UACA: variants seen among roughly 807,000 people sequenced by gnomAD.
The protein encoded by UACA is nuclear membrane binding protein.
Under a neutral mutation model 160.5 loss-of-function variants are expected in UACA, and 112 were observed. The observed-to-expected ratio is 0.70, with a 90% CI of 0.60 to 0.82. The LOEUF is 0.82. UACA is among the 40% of genes least tolerant of loss of function. UACA has a pLI of 0.00. For synonymous variants in UACA, 557 were observed against 568.4 expected (o/e 0.98, Z 0.29); for missense variants, 1,574 against 1,614.6 (o/e 0.97, Z 0.43).
At chr15:70,719,397 C>T (rs1898923686) in intron 1 of UACA, among the ~76,000 whole-genome samples, 1 of 152,196 alleles carries the variant, frequency 6.6e-6, no homozygotes, top group Admixed American at 6.5e-5. Context: ...AACAAAATGG[C>T]TTGGTGGGGG....
chr15:70,715,165 T>G (rs954026603), intron 1 of UACA, among the ~76,000 whole-genome samples: 12 of 152,204 alleles, frequency 7.9e-5, no homozygotes, highest in African/African-American at 2.9e-4. Context: ...AAGTAAAATT[T>G]TTTAAATATA....
chr15:70,666,325 A>C (rs1226196160), intron 16 of UACA, among the ~76,000 whole-genome samples: 1 of 151,804 alleles, frequency 6.6e-6, no homozygotes, highest in Non-Finnish European at 1.5e-5. Flanking sequence ...GGCTCAGTTT[A>C]CTACTATGGG....
the UACA span, among the ~76,000 whole-genome samples, chr15:70,774,268 T>C: frequency 3.7e-4 from 57 of 152,192 alleles, no homozygotes; most frequent in Admixed American, 1.4e-3. Context: ...AAGACTGGGC[T>C]GGGCGTGGTG....
At chr15:70,718,028 T>TACAC (rs140483075) in intron 1 of UACA, among the ~76,000 whole-genome samples, 6,669 of 142,586 alleles carry the variant, frequency 0.047, 211 homozygotes, top group South Asian at 0.11. Context: ...AATTTCTTTA[T>TACAC]ACACACACAC....
chr15:70,767,099 G>C (rs1448343103), upstream of UACA, among the ~76,000 whole-genome samples: 3 of 151,748 alleles, frequency 2.0e-5, no homozygotes, highest in Non-Finnish European at 4.4e-5. Flanking sequence ...AATTAGCCAG[G>C]CGTGGTGGCA....
intron 1 of UACA, among the ~76,000 whole-genome samples, chr15:70,741,023 T>C (rs1025083340): frequency 6.6e-5 from 10 of 150,420 alleles, no homozygotes; most frequent in South Asian, 2.1e-4. Context: ...TGGGCAAAAG[T>C]GCTCAAAAAA....
chr15:70,700,371 A>C (rs1017399043), intron 1 of UACA, among the ~76,000 whole-genome samples: 6 of 149,756 alleles, frequency 4.0e-5, no homozygotes, highest in African/African-American at 7.4e-5. Context: ...CATTATGTTT[A>C]TATATTAGAA....
chr15:70,684,474 A>T, intron 7 of UACA, 28 bp from the exon 8 acceptor site: 1 of 1,582,212 alleles, frequency 6.3e-7, no homozygotes, highest in Middle Eastern at 1.7e-4. Context: ...AGAGCAAAAG[A>T]CTGAGAAAAC....
At chr15:70,753,180 G>T (rs769900233) in intron 1 of UACA, among the ~76,000 whole-genome samples, 2 of 152,132 alleles carry the variant, frequency 1.3e-5, no homozygotes, top group East Asian at 3.8e-4. Flanking sequence ...AGAAAAAATG[G>T]TCAAAGAAAA....
At position 70,670,977 on chromosome 15, in the gene UACA, T is replaced by C. The variant is rs995516607; in HGVS notation, c.1221+62A>G. ...GTACAATGCCGCTTTCTCCTCTCTT[T>C]ATAAAGGCACAAAAATTTTCTTTAA... On this transcript the variant is annotated intron_variant, in intron 15 of 18. Coordinates refer to ENST00000322954, the MANE Select transcript of UACA (RefSeq NM_018003.4). The C allele has an allele frequency of 5.3e-6, 6 of 1,128,900 alleles. No homozygotes were observed. The African/African-American group carries it at 9.5e-5, about 18-fold the overall frequency. The allele number at this position is 1,128,900 out of a possible 1,614,324, so 69.9% of individuals were successfully genotyped here. A position where few individuals can be genotyped will look rare whatever the true frequency, so the allele number is the denominator to read the frequency against.
upstream of UACA, chr15:70,763,605 C>G (rs1276034893): frequency 8.7e-7 from 1 of 1,145,698 alleles, no homozygotes; most frequent in Non-Finnish European, 1.1e-6. Flanking sequence ...ACCCGCTGCC[C>G]TGGCGGGGGC....
At chr15:70,671,453 A>G (rs1340491697) in intron 14 of UACA, 1 of 165,446 alleles carries the variant, frequency 6.0e-6, no homozygotes, top group Non-Finnish European at 1.3e-5. Flanking sequence ...AATTTATAGC[A>G]TAAATATTAC....
At chr15:70,708,850 T>C (rs1898595808) in intron 1 of UACA, among the ~76,000 whole-genome samples, 1 of 152,172 alleles carries the variant, frequency 6.6e-6, no homozygotes. Context: ...TAAAACAAGA[T>C]TGGCCACAGG....
rs150049035 is a variant in UACA, at chr15:70,671,053, T to C, written c.1207A>G (p.Met403Val). 6,236 of 1,577,888 alleles carry C rather than the reference T, an allele frequency of 4.0e-3. 43 individuals carry two copies. Among genetic ancestry groups the C allele is most frequent in the South Asian group, 0.015 (1,273 of 84,496 alleles). ...DMLLKQGQMY[M>V]ADSQCTSPGI... is the part of the protein sequence containing the mutation. ...ACAGTTATTACCTGTGAGTCTGCCA[T>C]ATACATCTGACCTTGTTTAAGAAGC... Residue 403 changes from methionine to valine, a missense_variant, in exon 15 of 19, where the codon ATG becomes GTG. Coordinates refer to ENST00000322954, the MANE Select transcript of UACA (RefSeq NM_018003.4).
chr15:70,699,706 T>G (rs1898270799), intron 1 of UACA, 46 bp from the exon 2 acceptor site: 2 of 1,590,464 alleles, frequency 1.3e-6, no homozygotes, highest in East Asian at 4.5e-5. Context: ...CTACATTAGT[T>G]AAGATTTTTC....
intron 1 of UACA, among the ~76,000 whole-genome samples, chr15:70,759,721 C>T (rs1226051706): frequency 6.6e-6 from 1 of 152,204 alleles, no homozygotes; most frequent in Non-Finnish European, 1.5e-5. Context: ...TTAACAGATG[C>T]AGCCATCTCC....
the UACA span, among the ~76,000 whole-genome samples, chr15:70,770,334 C>T: frequency 1.3e-5 from 2 of 152,182 alleles, no homozygotes; most frequent in Non-Finnish European, 2.9e-5. Flanking sequence ...TTCTGCATTG[C>T]ATTTAGGCCA....
At chr15:70,671,872 A>G in intron 14 of UACA, 93 bp downstream of exon 14, 1 of 1,056,324 alleles carries the variant, frequency 9.5e-7, no homozygotes, top group Non-Finnish European at 1.3e-6. Flanking sequence ...TATCTTGTAC[A>G]GTTATTCCTG....
At chr15:70,744,472 T>C (rs1466284341) in intron 1 of UACA, among the ~76,000 whole-genome samples, 1 of 152,046 alleles carries the variant, frequency 6.6e-6, no homozygotes, top group Admixed American at 6.6e-5. Context: ...TATAAGATAA[T>C]AGACTATAAA....
Sources: allele counts gnomAD v4.1 joint callset (sites outside exome capture counted in the v4.1 genomes callset), GRCh38; gene constraint gnomAD v4.1.1; transcripts MANE v1.5; gene names NCBI Gene and HGNC (gene_info 2026-07-23, HGNC 2026-07-21).